FRMPD1: variants seen among roughly 807,000 people sequenced by gnomAD.
The protein encoded by FRMPD1 is FERM and PDZ domain-containing protein 1.
FRMPD1 carries 76 observed loss-of-function variants against 117.8 expected under a neutral mutation model. The ratio of observed to expected loss-of-function variants is 0.65; its 90% CI spans 0.54 to 0.78. FRMPD1 has a LOEUF of 0.78. Among genes scored for constraint, FRMPD1 ranks in the 30% least tolerant of loss-of-function variants. FRMPD1 has a pLI of 0.00. For synonymous variants in FRMPD1, 783 were observed against 770.4 expected (o/e 1.02, Z -0.27); for missense variants, 1,786 against 1,964.5 (o/e 0.91, Z 1.72).
chr9:37,678,962 CA>C (rs1477530213), intron 1 of FRMPD1, among the ~76,000 whole-genome samples: 6 of 152,172 alleles, frequency 3.9e-5, no homozygotes, highest in African/African-American at 1.4e-4. Context: ...TTTTAGGGCC[CA>C]GCACAGGTGC....
In FRMPD1 at chr9:37,716,446, G is replaced by A. The variant is rs947670172; in HGVS notation, c.409-2623G>A. ...CTTATTTGTACAGTTGACAGCTGTA[G>A]TCATTTTCCAATGACTTCCTGTCAG... On this transcript the variant is annotated intron_variant, in intron 5 of 15. Coordinates refer to ENST00000377765, the MANE Select transcript of FRMPD1 (RefSeq NM_014907.3). Among the ~76,000 whole-genome samples the A allele has an allele frequency of 2.6e-5, 4 of 152,302 alleles. No individual in the cohort carries two copies. The East Asian group carries it at 7.7e-4, about 29-fold the overall frequency.
the FRMPD1 span, among the ~76,000 whole-genome samples, chr9:37,639,852 C>T: frequency 4.6e-5 from 7 of 152,136 alleles, no homozygotes; most frequent in African/African-American, 9.7e-5. Context: ...GTAGAGACTG[C>T]GTTTTGCCAT....
At chr9:37,635,786 C>A in the FRMPD1 span, among the ~76,000 whole-genome samples, 1 of 152,194 alleles carries the variant, frequency 6.6e-6, no homozygotes, top group Non-Finnish European at 1.5e-5. Context: ...TGGATGGAAC[C>A]CACATTCCCC....
At position 37,745,667 on chromosome 9, in the gene FRMPD1, T is replaced by A; in HGVS notation, c.3635T>A (p.Leu1212His). 1 of 1,614,142 alleles carries A rather than the reference T, an allele frequency of 6.2e-7. No homozygotes were observed. Among genetic ancestry groups the A allele is most frequent in the Non-Finnish European group, 8.5e-7 (1 of 1,180,026 alleles). ...VELDLDPDFF[L>H]GKQTVSPAVP... Reference sequence around the variant, plus strand: ...TTGGATTTAGACCCTGATTTCTTTCTTGGGAAGCAGACAGTTTCACCAGCC... The same window carrying A: ...TTGGATTTAGACCCTGATTTCTTTCATGGGAAGCAGACAGTTTCACCAGCC... The change falls in exon 16 of 16, where the codon CTT (leucine) becomes CAT (histidine). Residue 1212 changes from leucine to histidine, a missense_variant. Physicochemically the swap from Leu to His is moderately conservative, Grantham distance 99. Transcript: ENST00000377765.
At chr9:37,637,297 G>A in the FRMPD1 span, 3 of 1,419,826 alleles carry the variant, frequency 2.1e-6, no homozygotes, top group African/African-American at 1.4e-5. Flanking sequence ...GGTTCATGGC[G>A]GCGGCGGAAG....
intron 1 of FRMPD1, among the ~76,000 whole-genome samples, chr9:37,655,855 C>T (rs1041687985): frequency 2.6e-5 from 4 of 152,130 alleles, no homozygotes; most frequent in African/African-American, 9.7e-5. Context: ...GCTCCCCCGT[C>T]TAGCCCCTCT....
chr9:37,644,722 C>T, the FRMPD1 span, among the ~76,000 whole-genome samples: 17,795 of 152,180 alleles, frequency 0.12, 1,125 homozygotes, highest in East Asian at 0.18. Context: ...ATACCAGTCG[C>T]TTGAATTCTC....
intron 1 of FRMPD1, among the ~76,000 whole-genome samples, chr9:37,680,863 A>T (rs535271671): frequency 3.3e-5 from 5 of 152,150 alleles, no homozygotes; most frequent in African/African-American, 9.7e-5. Context: ...GGAAGGGAAG[A>T]TGGAGGAGGA....
In FRMPD1 at chr9:37,744,716, G is replaced by A. The variant is rs765532901; in HGVS notation, c.2684G>A (p.Gly895Asp). Residue 895 changes from glycine (G) to aspartate (D), a missense_variant, in exon 16 of 16, where the codon GGC becomes GAC. Transcript: ENST00000377765. ...SSLQDMQGEPGLLETKALGLL... is the reference protein window; with the variant it reads ...SSLQDMQGEPDLLETKALGLL... ...CTGCAGGACATGCAGGGTGAGCCTG[G>A]CCTTCTGGAGACCAAGGCCTTGGGG... 6.6e-5 allele frequency: 107 copies of A among 1,613,898 alleles called. No individual in the cohort carries two copies. Among genetic ancestry groups the A allele is most frequent in the Non-Finnish European group, 8.5e-5 (100 of 1,180,002 alleles).
chr9:37,621,297 C>G, the FRMPD1 span, among the ~76,000 whole-genome samples: 2 of 152,298 alleles, frequency 1.3e-5, no homozygotes, highest in East Asian at 3.9e-4. Flanking sequence ...CAATAGCTAT[C>G]AGATACCCAA....
At chr9:37,685,447 T>G (rs549863124) in intron 1 of FRMPD1, among the ~76,000 whole-genome samples, 2,355 of 151,506 alleles carry the variant, frequency 0.016, 51 homozygotes, top group African/African-American at 0.054. Flanking sequence ...ATCGAGACTA[T>G]CCTGGCTAAC....
the FRMPD1 span, among the ~76,000 whole-genome samples, chr9:37,604,859 A>C: frequency 2.6e-5 from 4 of 152,218 alleles, no homozygotes; most frequent in Non-Finnish European, 5.9e-5. Flanking sequence ...CCAAAACCCC[A>C]AAACAGTAAT....
At chr9:37,687,247 A>C (rs1450645433) in intron 1 of FRMPD1, among the ~76,000 whole-genome samples, 2 of 152,102 alleles carry the variant, frequency 1.3e-5, no homozygotes, top group East Asian at 1.9e-4. Context: ...TTTCCCCGTT[A>C]ATCCTGTCTC....
At chr9:37,650,424 G>A (rs886714055), upstream of FRMPD1, among the ~76,000 whole-genome samples, 1 of 152,128 alleles carries the variant, frequency 6.6e-6, no homozygotes, top group African/African-American at 2.4e-5. Context: ...AGCGCGGAAG[G>A]AGTTTACAGA....
At chr9:37,644,194 CA>C in the FRMPD1 span, among the ~76,000 whole-genome samples, 3 of 152,206 alleles carry the variant, frequency 2.0e-5, no homozygotes, top group African/African-American at 4.8e-5. Context: ...TTGACAGAGT[CA>C]GGGGTCTTCC....
At chr9:37,626,444 G>T in the FRMPD1 span, among the ~76,000 whole-genome samples, 4 of 148,386 alleles carry the variant, frequency 2.7e-5, no homozygotes, top group East Asian at 2.0e-4. Flanking sequence ...AGCAGAGGTT[G>T]CAGTGAGCTG....
chr9:37,670,111 T>C (rs1169296191), intron 1 of FRMPD1: 1 of 152,226 alleles, frequency 6.6e-6, no homozygotes, highest in African/African-American at 2.4e-5. Context: ...TAAAACTTGC[T>C]ACTTCTCTAA....
chr9:37,699,477 G>A (rs1290257413), intron 2 of FRMPD1, among the ~76,000 whole-genome samples: 2 of 151,534 alleles, frequency 1.3e-5, no homozygotes, highest in African/African-American at 2.4e-5. Context: ...GCGCCACCAC[G>A]CCTAGCTAAT....
the FRMPD1 span, among the ~76,000 whole-genome samples, chr9:37,639,260 C>T: frequency 4.5e-4 from 68 of 152,092 alleles, no homozygotes; most frequent in Admixed American, 1.4e-3. Context: ...TTTATCACAG[C>T]GACTAACAAA....
Sources: gnomAD v4.1 joint callset for allele counts (sites outside exome capture counted in the v4.1 genomes callset) on GRCh38, gnomAD v4.1.1 for gene constraint, MANE v1.5 for transcripts, NCBI Gene and HGNC (gene_info 2026-07-23, HGNC 2026-07-21) for gene names.